NLGN4Y: variants seen among roughly 807,000 people sequenced by gnomAD.
NLGN4Y encodes neuroligin-4, Y-linked.
NLGN4Y carries 4 observed loss-of-function variants against 8.4 expected under a neutral mutation model. The observed-to-expected ratio is 0.48, with a 90% CI of 0.23 to 1.09. The LOEUF (loss-of-function observed/expected upper bound fraction) is 1.09, where lower values mean the gene tolerates loss of function less well. NLGN4Y is among the 50% of genes least tolerant of loss of function. NLGN4Y has a pLI of 0.19. For missense variants in NLGN4Y, 90 were observed against 192.3 expected (o/e 0.47, Z 3.15); for synonymous variants, 35 against 75.6 (o/e 0.46, Z 2.78).
At chrY:14,684,289 T>G in intron 2 of NLGN4Y, among the ~76,000 whole-genome samples, 1 of 33,533 alleles carries the variant, frequency 3.0e-5, no homozygotes. Flanking sequence ...TTTTGTGAGA[T>G]CACCCTGTGT....
intron 1 of NLGN4Y, among the ~76,000 whole-genome samples, chrY:14,605,323 G>A (rs2080444116): frequency 3.0e-5 from 1 of 32,937 alleles, no homozygotes; most frequent in Non-Finnish European, 7.4e-5. Context: ...TTCCTGCAGA[G>A]GACATGATTT....
chrY:14,659,301 G>T (rs2080666077), intron 2 of NLGN4Y, among the ~76,000 whole-genome samples: 34 of 32,850 alleles, frequency 1.0e-3, no homozygotes, highest in Non-Finnish European at 7.5e-5. Flanking sequence ...TGATTTTAAG[G>T]TTCAGGCCTA....
At chrY:14,526,436 CTGTGTG>C in intron 1 of NLGN4Y, among the ~76,000 whole-genome samples, 1 of 29,578 alleles carries the variant, frequency 3.4e-5, no homozygotes, top group Admixed American at 3.1e-4. Context: ...GTATGTGTGT[CTGTGTG>C]TGTGTGTGTG....
intron 1 of NLGN4Y, among the ~76,000 whole-genome samples, chrY:14,608,263 G>T (rs2150501270): frequency 3.0e-5 from 1 of 33,280 alleles, no homozygotes; most frequent in East Asian, 7.8e-4. Flanking sequence ...TGGTGTTTTA[G>T]TCATGAAGTC....
At chrY:14,794,280 T>C (rs892637527) in intron 4 of NLGN4Y, among the ~76,000 whole-genome samples, 7 of 33,601 alleles carry the variant, frequency 2.1e-4, no homozygotes, top group Admixed American at 1.4e-3. Flanking sequence ...ATTGTATTTC[T>C]TTAAACCTGC....
At chrY:14,731,968 C>T (rs2080974786) in intron 4 of NLGN4Y, among the ~76,000 whole-genome samples, 1 of 33,220 alleles carries the variant, frequency 3.0e-5, no homozygotes, top group African/African-American at 1.2e-4. Flanking sequence ...CAAAGTCTGT[C>T]CAGGTGTGTT....
At chrY:14,672,711 C>T (rs1603502384) in intron 2 of NLGN4Y, among the ~76,000 whole-genome samples, 1 of 31,316 alleles carries the variant, frequency 3.2e-5, no homozygotes, top group Non-Finnish European at 7.7e-5. Flanking sequence ...AAAAAGAGCC[C>T]GCATCGCCAA....
At chrY:14,707,758 CA>C (rs758825483) in intron 2 of NLGN4Y, among the ~76,000 whole-genome samples, 2 of 30,430 alleles carry the variant, frequency 6.6e-5, no homozygotes, top group Non-Finnish European at 1.6e-4. Flanking sequence ...AAATTTGCAA[CA>C]AAAAAAAATG....
At chrY:14,568,273 C>T (rs900779970) in intron 1 of NLGN4Y, among the ~76,000 whole-genome samples, 1 of 32,428 alleles carries the variant, frequency 3.1e-5, no homozygotes, top group African/African-American at 1.2e-4. Flanking sequence ...ATTAGAGACC[C>T]CTGGCCAGAG....
intron 1 of NLGN4Y, among the ~76,000 whole-genome samples, chrY:14,588,449 T>C: frequency 3.0e-5 from 1 of 33,249 alleles, no homozygotes. Flanking sequence ...GAATAAGTCA[T>C]GGGTGGAAAC....
At chrY:14,544,610 T>G in intron 1 of NLGN4Y, among the ~76,000 whole-genome samples, 1 of 32,924 alleles carries the variant, frequency 3.0e-5, no homozygotes, top group Non-Finnish European at 7.4e-5. Context: ...CTGCAAGGCA[T>G]GCACATCATA....
intron 6 of NLGN4Y, among the ~76,000 whole-genome samples, chrY:14,831,826 C>T (rs2043181282): frequency 3.1e-5 from 1 of 31,987 alleles, no homozygotes. Context: ...ACACATATGT[C>T]ACAGGAAAGC....
chrY:14,821,322 C>G, intron 4 of NLGN4Y, among the ~76,000 whole-genome samples: 1 of 33,656 alleles, frequency 3.0e-5, no homozygotes, highest in Non-Finnish European at 7.4e-5. Context: ...AAGAACAAAG[C>G]TTCCACAGAA....
At chrY:14,682,489 G>T in intron 2 of NLGN4Y, among the ~76,000 whole-genome samples, 1 of 33,343 alleles carries the variant, frequency 3.0e-5, no homozygotes, top group African/African-American at 1.2e-4. Context: ...CAAAAGAGAA[G>T]TATCTTCCTC....
intron 1 of NLGN4Y, among the ~76,000 whole-genome samples, chrY:14,537,482 G>A (rs1039095421): frequency 8.9e-5 from 3 of 33,734 alleles, no homozygotes; most frequent in Non-Finnish European, 1.5e-4. Context: ...AGCTTCTCAT[G>A]AATTGGCATA....
chrY:14,670,690 C>T (rs2080707245), intron 2 of NLGN4Y, among the ~76,000 whole-genome samples: 3 of 33,540 alleles, frequency 8.9e-5, no homozygotes, highest in Non-Finnish European at 2.2e-4. Flanking sequence ...ATCAGGAAAA[C>T]GTGTAAATGA....
intron 2 of NLGN4Y, among the ~76,000 whole-genome samples, chrY:14,693,928 A>C: frequency 3.1e-5 from 1 of 32,327 alleles, no homozygotes; most frequent in Non-Finnish European, 7.6e-5. Flanking sequence ...AAAAAAAAAC[A>C]TGTTGCATGT....
chrY:14,538,131 G>A (rs2080138752), intron 1 of NLGN4Y, among the ~76,000 whole-genome samples: 1 of 33,207 alleles, frequency 3.0e-5, no homozygotes, highest in African/African-American at 1.2e-4. Context: ...TGGAATATTC[G>A]TGATGAAGTT....
intron 2 of NLGN4Y, among the ~76,000 whole-genome samples, chrY:14,669,559 T>C (rs2080703523): frequency 3.0e-5 from 1 of 33,685 alleles, no homozygotes; most frequent in East Asian, 7.7e-4. Flanking sequence ...TGAAGTTTAT[T>C]ATTTTTTCTT....
Sources: allele counts gnomAD v4.1 joint callset (sites outside exome capture counted in the v4.1 genomes callset), GRCh38; gene constraint gnomAD v4.1.1; transcripts MANE v1.5; gene names NCBI Gene and HGNC (gene_info 2026-07-23, HGNC 2026-07-21).